The following CCDC148 variants were observed in gnomAD, a reference collection of about 807,000 sequenced individuals.
CCDC148 encodes the protein coiled-coil domain-containing protein 148.
In CCDC148, 89 loss-of-function variants were observed where a neutral mutation model predicts 85.7. That is an observed-to-expected ratio of 1.04 (90% confidence interval 0.87 to 1.24). CCDC148 has a LOEUF of 1.24. Among genes scored for constraint, CCDC148 ranks in the 50% most tolerant of loss-of-function variants. The pLI, the probability that CCDC148 is intolerant of heterozygous loss-of-function variation, is 0.00. For synonymous variants in CCDC148, 230 were observed against 213.9 expected (o/e 1.08, Z -0.66); for missense variants, 692 against 671.7 (o/e 1.03, Z -0.33).
intron 7 of CCDC148, among the ~76,000 whole-genome samples, chr2:158,317,321 C>A (rs1277962275): frequency 6.6e-6 from 1 of 152,112 alleles, no homozygotes; most frequent in Non-Finnish European, 1.5e-5. Context: ...TCGTAGCCTG[C>A]CAAGATTTTA....
chr2:158,194,166 T>G (rs973050428), intron 11 of CCDC148, among the ~76,000 whole-genome samples: 9 of 152,140 alleles, frequency 5.9e-5, no homozygotes, highest in Non-Finnish European at 1.2e-4. Flanking sequence ...GGAAGGGTGT[T>G]GGCAATTTTT....
At chr2:158,191,669 G>T (rs1423085045) in intron 11 of CCDC148, among the ~76,000 whole-genome samples, 1 of 151,928 alleles carries the variant, frequency 6.6e-6, no homozygotes, top group Non-Finnish European at 1.5e-5. Flanking sequence ...TTTCTCAAAT[G>T]CTGATTTCCT....
chr2:158,449,219 T>C (rs890258013), intron 1 of CCDC148, among the ~76,000 whole-genome samples: 3 of 152,212 alleles, frequency 2.0e-5, no homozygotes, highest in Non-Finnish European at 4.4e-5. Context: ...TTCTGTGACC[T>C]TGTTAAATTC....
At chr2:158,359,515 G>T (rs1683832224) in intron 1 of CCDC148, among the ~76,000 whole-genome samples, 2 of 152,158 alleles carry the variant, frequency 1.3e-5, no homozygotes, top group African/African-American at 2.4e-5. Context: ...TAGACAGTGG[G>T]TGCAGCCCAC....
intron 1 of CCDC148, among the ~76,000 whole-genome samples, chr2:158,386,718 A>C (rs571646080): frequency 3.3e-5 from 5 of 152,226 alleles, no homozygotes; most frequent in African/African-American, 1.2e-4. Context: ...ATTTTTAAAA[A>C]AATCAATACC....
intron 8 of CCDC148, among the ~76,000 whole-genome samples, chr2:158,311,614 A>G (rs970407045): frequency 1.3e-5 from 2 of 152,226 alleles, no homozygotes; most frequent in African/African-American, 4.8e-5. Flanking sequence ...TTTTCCCTAT[A>G]TATAATTTTT....
intron 9 of CCDC148, among the ~76,000 whole-genome samples, chr2:158,289,240 G>A (rs1182880279): frequency 6.6e-6 from 1 of 152,122 alleles, no homozygotes; most frequent in Non-Finnish European, 1.5e-5. Flanking sequence ...CATAAAAATT[G>A]TAAATGTTTC....
At chr2:158,356,395 A>G (rs1233235478) in intron 2 of CCDC148, among the ~76,000 whole-genome samples, 1 of 142,152 alleles carries the variant, frequency 7.0e-6, no homozygotes, top group Non-Finnish European at 1.6e-5. Context: ...AAAAAAACAA[A>G]CAACCCCATC....
At chr2:158,264,142 G>A (rs1310387937) in intron 9 of CCDC148, among the ~76,000 whole-genome samples, 2 of 151,702 alleles carry the variant, frequency 1.3e-5, no homozygotes, top group Non-Finnish European at 2.9e-5. Context: ...AAAAATTAAG[G>A]AAAGTGATTA....
Position 158,422,736 on chromosome 2 carries a change from C to G in CCDC148, c.25+33679G>C, listed in dbSNP as rs530844822. Among the ~76,000 whole-genome samples the G allele has an allele frequency of 3.3e-5, 5 of 152,194 alleles. No individual in the cohort carries two copies. The South Asian group carries it at 1.0e-3, about 32-fold the overall frequency. On this transcript the variant is annotated intron_variant, in intron 1 of 13. Transcript: ENST00000283233. ...ATAGTATTGGAAGTTCTGGCCCGAGCAATCAGGCAGGAGAAAGAAATAAAG... is the reference window on the plus strand; with the variant it reads ...ATAGTATTGGAAGTTCTGGCCCGAGGAATCAGGCAGGAGAAAGAAATAAAG...
intron 11 of CCDC148, among the ~76,000 whole-genome samples, chr2:158,202,457 C>A (rs1686016858): frequency 6.6e-6 from 1 of 152,178 alleles, no homozygotes; most frequent in Admixed American, 6.6e-5. Context: ...CGAGATAGAA[C>A]CCAAGTATGT....
intron 10 of CCDC148, among the ~76,000 whole-genome samples, chr2:158,225,567 T>C (rs1358095318): frequency 6.6e-6 from 1 of 152,162 alleles, no homozygotes; most frequent in African/African-American, 2.4e-5. Flanking sequence ...AAAGCACTCC[T>C]CAGCAAATGT....
chr2:158,415,149 G>A (rs1047270941), intron 1 of CCDC148, among the ~76,000 whole-genome samples: 3 of 146,734 alleles, frequency 2.0e-5, no homozygotes, highest in African/African-American at 7.6e-5. Flanking sequence ...AAAAAAAAAA[G>A]AGGCTTAAAT....
chr2:158,187,811 G>A (rs1358064617), intron 11 of CCDC148, among the ~76,000 whole-genome samples: 1 of 151,978 alleles, frequency 6.6e-6, no homozygotes, highest in Middle Eastern at 3.2e-3. Context: ...TACAATCAGT[G>A]CACAAATATC....
chr2:158,285,076 T>C (rs369406634), intron 9 of CCDC148, among the ~76,000 whole-genome samples: 164 of 152,164 alleles, frequency 1.1e-3, no homozygotes, highest in African/African-American at 3.6e-3. Context: ...TCACCTGAGG[T>C]CAGGAGTTCA....
At chr2:158,437,836 A>C (rs1687736176) in intron 1 of CCDC148, among the ~76,000 whole-genome samples, 1 of 152,032 alleles carries the variant, frequency 6.6e-6, no homozygotes, top group Non-Finnish European at 1.5e-5. Flanking sequence ...TACCAATAAC[A>C]GACAGAGAGC....
At chr2:158,277,629 C>T (rs1284684320) in intron 9 of CCDC148, among the ~76,000 whole-genome samples, 1 of 151,828 alleles carries the variant, frequency 6.6e-6, no homozygotes, top group African/African-American at 2.4e-5. Context: ...CAGAGTCTTG[C>T]TCTGTTGCCC....
rs547149492 is a variant in CCDC148, at chr2:158,353,009, T to C, written c.147+5440A>G. ...TAAGTGAAGGAGAAATAAAATACTT[T>C]ACAGACAAGCAAATGCTGAGAGATT... On this transcript the variant is annotated intron_variant, in intron 2 of 13. Coordinates refer to ENST00000283233, the MANE Select transcript of CCDC148 (RefSeq NM_138803.4). Among the ~76,000 whole-genome samples the C allele has an allele frequency of 9.6e-3, 1,444 of 151,170 alleles. 21 individuals carry two copies. The highest frequency in any genetic ancestry group is 0.033 in the African/African-American group (1,338 of 40,924).
At chr2:158,351,427 C>G (rs1209055933) in intron 2 of CCDC148, among the ~76,000 whole-genome samples, 2 of 150,846 alleles carry the variant, frequency 1.3e-5, no homozygotes, top group African/African-American at 2.4e-5. Flanking sequence ...ACTTGGGAAG[C>G]GCAAGGGGTC....
Sources: allele counts gnomAD v4.1 joint callset (sites outside exome capture counted in the v4.1 genomes callset), GRCh38; gene constraint gnomAD v4.1.1; transcripts MANE v1.5; gene names NCBI Gene and HGNC (gene_info 2026-07-23, HGNC 2026-07-21).